The following RPSA2 variants were observed in gnomAD, a reference collection of about 807,000 sequenced individuals.
The protein encoded by RPSA2 is ribosomal protein SA 2.
the RPSA2 span, among the ~76,000 whole-genome samples, chr19:23,848,522 A>G: frequency 0.097 from 14,755 of 152,136 alleles, 987 homozygotes; most frequent in South Asian, 0.2. Flanking sequence ...GGCACAATGT[A>G]TAAACCAGCT....
chr19:23,778,995 C>CCTT, the RPSA2 span, among the ~76,000 whole-genome samples: 1 of 80,696 alleles, frequency 1.2e-5, no homozygotes, highest in Non-Finnish European at 2.1e-5. Flanking sequence ...TTTTGTGACA[C>CCTT]TTTTTTTTTT....
At chr19:23,764,646 A>G in the RPSA2 span, among the ~76,000 whole-genome samples, 1 of 151,952 alleles carries the variant, frequency 6.6e-6, no homozygotes, top group African/African-American at 2.4e-5. Flanking sequence ...TGCCCTGCTA[A>G]TTTTTATATT....
the RPSA2 span, chr19:23,758,789 C>A: frequency 3.1e-6 from 5 of 1,613,926 alleles, no homozygotes. Flanking sequence ...AGCTATGGAT[C>A]GCCAATACCT....
the RPSA2 span, among the ~76,000 whole-genome samples, chr19:23,854,063 G>T: frequency 6.6e-6 from 1 of 152,122 alleles, no homozygotes; most frequent in Non-Finnish European, 1.5e-5. Context: ...AGGGCCCCGT[G>T]TCTTATCTCC....
the RPSA2 span, chr19:23,808,952 T>C: frequency 4.6e-5 from 12 of 261,044 alleles, no homozygotes; most frequent in African/African-American, 2.5e-4. Context: ...AAAATTATAC[T>C]CTCACGTAGG....
At chr19:23,853,392 G>C in the RPSA2 span, among the ~76,000 whole-genome samples, 2 of 152,144 alleles carry the variant, frequency 1.3e-5, no homozygotes, top group East Asian at 3.9e-4. Flanking sequence ...AGAATTCCAG[G>C]GGGGAAAGAA....
chr19:23,826,185 C>T, the RPSA2 span, among the ~76,000 whole-genome samples: 1 of 150,966 alleles, frequency 6.6e-6, no homozygotes, highest in East Asian at 1.9e-4. Context: ...TTAATTTTTT[C>T]TTTTTTTCTT....
At chr19:23,764,788 G>C in the RPSA2 span, among the ~76,000 whole-genome samples, 1 of 151,144 alleles carries the variant, frequency 6.6e-6, no homozygotes, top group South Asian at 2.1e-4. Flanking sequence ...ATAATCCTCT[G>C]GAACTCCACT....
chr19:23,816,512 G>T, the RPSA2 span, among the ~76,000 whole-genome samples: 2 of 152,040 alleles, frequency 1.3e-5, no homozygotes, highest in African/African-American at 4.8e-5. Context: ...TGAGTGGTAC[G>T]TTTTTTCTTA....
At chr19:23,836,296 C>T in the RPSA2 span, among the ~76,000 whole-genome samples, 1 of 152,068 alleles carries the variant, frequency 6.6e-6, no homozygotes, top group Non-Finnish European at 1.5e-5. Flanking sequence ...AGTCTCCAGT[C>T]TCATCCAGGT....
At chr19:23,799,675 G>C in the RPSA2 span, among the ~76,000 whole-genome samples, 58,855 of 60,848 alleles carry the variant, frequency 0.97, 28,709 homozygotes, top group Middle Eastern at 1. Flanking sequence ...GAGGAGAGAG[G>C]TACTGCTTTA....
the RPSA2 span, among the ~76,000 whole-genome samples, chr19:23,792,802 C>G: frequency 2.0e-5 from 3 of 151,924 alleles, no homozygotes; most frequent in Admixed American, 6.6e-5. Context: ...TGTGAGCCAC[C>G]GCGCCAGGCC....
the RPSA2 span, among the ~76,000 whole-genome samples, chr19:23,779,787 C>T: frequency 3.3e-5 from 5 of 152,268 alleles, no homozygotes; most frequent in African/African-American, 1.2e-4. Flanking sequence ...CTATCTGCAC[C>T]CTGCCCACAG....
chr19:23,802,559 C>G, the RPSA2 span, among the ~76,000 whole-genome samples: 1 of 152,158 alleles, frequency 6.6e-6, no homozygotes, highest in African/African-American at 2.4e-5. Context: ...TTCTGTCTTA[C>G]TGTAAAAGAA....
chr19:23,763,611 G>A, the RPSA2 span, among the ~76,000 whole-genome samples: 1 of 152,268 alleles, frequency 6.6e-6, no homozygotes, highest in Non-Finnish European at 1.5e-5. Flanking sequence ...TGGGATTACA[G>A]ACCTGCGCCA....
chr19:23,797,600 T>C, the RPSA2 span, among the ~76,000 whole-genome samples: 4 of 152,244 alleles, frequency 2.6e-5, no homozygotes, highest in African/African-American at 4.8e-5. Context: ...ATTAGGACTA[T>C]TTGGTCAAGT....
the RPSA2 span, among the ~76,000 whole-genome samples, chr19:23,812,887 G>A: frequency 6.6e-6 from 1 of 152,076 alleles, no homozygotes; most frequent in African/African-American, 2.4e-5. Flanking sequence ...AAAAGTAACT[G>A]TAAAAACATG....
chr19:23,855,826 T>C, the RPSA2 span, among the ~76,000 whole-genome samples: 5 of 152,004 alleles, frequency 3.3e-5, no homozygotes, highest in African/African-American at 4.8e-5. Flanking sequence ...AGATGGGGGA[T>C]GGTCTGCAGA....
the RPSA2 span, chr19:23,823,671 C>A: frequency 6.6e-6 from 1 of 152,216 alleles, no homozygotes; most frequent in East Asian, 1.9e-4. Flanking sequence ...CTAGTTACAC[C>A]TTGGAAGGTG....
Sources: gnomAD v4.1 joint callset for allele counts (sites outside exome capture counted in the v4.1 genomes callset) on GRCh38, gnomAD v4.1.1 for gene constraint, MANE v1.5 for transcripts, NCBI Gene and HGNC (gene_info 2026-07-23, HGNC 2026-07-21) for gene names.